TTC28: variants seen among roughly 807,000 people sequenced by gnomAD.
TTC28 encodes the protein tetratricopeptide repeat protein 28.
A neutral mutation model predicts 198.0 loss-of-function variants in TTC28; 61 were observed. The ratio of observed to expected loss-of-function variants is 0.31; its 90% CI spans 0.25 to 0.38. The LOEUF is 0.38. Among genes scored for constraint, TTC28 ranks in the 10% least tolerant of loss-of-function variants. TTC28 has a pLI of 1.00. For missense variants in TTC28, 2,678 were observed against 3,164.0 expected (o/e 0.85, Z 3.69); for synonymous variants, 1,171 against 1,297.8 (o/e 0.90, Z 2.10).
At chr22:28,497,500 G>A (rs976215644) in intron 2 of TTC28, among the ~76,000 whole-genome samples, 3 of 151,974 alleles carry the variant, frequency 2.0e-5, no homozygotes, top group Admixed American at 6.6e-5. Context: ...TTAAAAACAC[G>A]GATACCCAGG....
At position 28,290,465 on chromosome 22, in the gene TTC28, T is replaced by G. The variant is rs145626424; in HGVS notation, c.933+5733A>C. ...TAGGAGTGTAACATAAGAACAGAGA[T>G]GTACAAAATTATCATTATCTTCAAA... On this transcript the variant is annotated intron_variant, in intron 5 of 22. Transcript: ENST00000397906. Among the ~76,000 whole-genome samples the G allele has an allele frequency of 1.2e-3, 182 of 152,228 alleles. 3 individuals are homozygous for G. The highest frequency in any genetic ancestry group is 4.0e-3 in the African/African-American group (165 of 41,540).
chr22:28,114,183 C>G (rs1942568229), intron 6 of TTC28, among the ~76,000 whole-genome samples: 1 of 152,160 alleles, frequency 6.6e-6, no homozygotes, highest in South Asian at 2.1e-4. Context: ...CTAAAATGGC[C>G]AAGAAAATCT....
At chr22:28,554,257 G>A (rs1371002091) in intron 2 of TTC28, among the ~76,000 whole-genome samples, 1 of 151,394 alleles carries the variant, frequency 6.6e-6, no homozygotes, top group Non-Finnish European at 1.5e-5. Flanking sequence ...AGGGTCCTCT[G>A]CCTAGGAAAA....
intron 5 of TTC28, among the ~76,000 whole-genome samples, chr22:28,177,618 A>G (rs1426693223): frequency 6.6e-6 from 1 of 152,218 alleles, no homozygotes; most frequent in Non-Finnish European, 1.5e-5. Context: ...GTCTTTCAAA[A>G]GGTGAATGGA....
intron 1 of TTC28, among the ~76,000 whole-genome samples, chr22:28,674,279 T>G (rs1244253506): frequency 6.6e-6 from 1 of 150,838 alleles, no homozygotes; most frequent in East Asian, 1.9e-4. Flanking sequence ...TTTTTTTTTT[T>G]TTTTTTGGTC....
At chr22:28,443,855 T>C (rs1471426964) in intron 2 of TTC28, among the ~76,000 whole-genome samples, 1 of 152,054 alleles carries the variant, frequency 6.6e-6, no homozygotes, top group Non-Finnish European at 1.5e-5. Flanking sequence ...AAAGACATAC[T>C]TAGACTTGTA....
At chr22:28,636,039 A>T (rs888923868) in intron 1 of TTC28, among the ~76,000 whole-genome samples, 1 of 151,012 alleles carries the variant, frequency 6.6e-6, no homozygotes, top group Non-Finnish European at 1.5e-5. Flanking sequence ...CATATAAGTT[A>T]GATCATACAG....
intron 17 of TTC28, among the ~76,000 whole-genome samples, chr22:27,995,738 G>A (rs1937539945): frequency 6.6e-6 from 1 of 152,192 alleles, no homozygotes; most frequent in Non-Finnish European, 1.5e-5. Flanking sequence ...GAGCCAAAGT[G>A]ACTTGCCCAA....
intron 12 of TTC28, among the ~76,000 whole-genome samples, chr22:28,088,235 A>T (rs1941687801): frequency 6.6e-6 from 1 of 152,168 alleles, no homozygotes; most frequent in Non-Finnish European, 1.5e-5. Flanking sequence ...GCAAAGCTGG[A>T]GGCATCACGC....
At chr22:28,281,104 T>C (rs1048509906) in intron 5 of TTC28, among the ~76,000 whole-genome samples, 84 of 152,326 alleles carry the variant, frequency 5.5e-4, no homozygotes, top group African/African-American at 2.0e-3. Flanking sequence ...TGAGAGTAGC[T>C]GAGGTGTTAG....
chr22:28,659,855 G>A (rs542257577), intron 1 of TTC28, among the ~76,000 whole-genome samples: 193 of 151,872 alleles, frequency 1.3e-3, no homozygotes, highest in African/African-American at 4.1e-3. Flanking sequence ...CTGGAGTGCA[G>A]TGGCATGATC....
intron 2 of TTC28, among the ~76,000 whole-genome samples, chr22:28,320,570 T>C (rs2045430296): frequency 6.6e-6 from 1 of 152,250 alleles, no homozygotes; most frequent in African/African-American, 2.4e-5. Context: ...TTTTAAAATA[T>C]GATTTTCTCA....
intron 6 of TTC28, among the ~76,000 whole-genome samples, chr22:28,124,440 TG>T (rs1159531431): frequency 6.6e-6 from 1 of 152,204 alleles, no homozygotes; most frequent in Non-Finnish European, 1.5e-5. Flanking sequence ...CTAAAATTAT[TG>T]AAACCTATGT....
intron 1 of TTC28, among the ~76,000 whole-genome samples, chr22:28,673,342 C>T (rs1244142231): frequency 6.6e-6 from 1 of 152,112 alleles, no homozygotes; most frequent in Non-Finnish European, 1.5e-5. Flanking sequence ...CCACTGCACT[C>T]CAGCCTGGGC....
chr22:28,444,701 A>C (rs1207150818), intron 2 of TTC28, among the ~76,000 whole-genome samples: 1 of 152,142 alleles, frequency 6.6e-6, no homozygotes, highest in African/African-American at 2.4e-5. Flanking sequence ...TAGAATTCAG[A>C]CCCACAATGA....
At chr22:28,423,473 C>T (rs574127321) in intron 2 of TTC28, among the ~76,000 whole-genome samples, 1 of 152,252 alleles carries the variant, frequency 6.6e-6, no homozygotes, top group African/African-American at 2.4e-5. Flanking sequence ...TAGCTTTCCC[C>T]ACAAAATTCA....
chr22:27,991,282 A>G (rs950046996), intron 19 of TTC28, among the ~76,000 whole-genome samples: 1 of 152,242 alleles, frequency 6.6e-6, no homozygotes, highest in Non-Finnish European at 1.5e-5. Context: ...TTGGCCTCTC[A>G]GCACAGCCTT....
chr22:28,523,133 A>G (rs1025246785), intron 2 of TTC28, among the ~76,000 whole-genome samples: 3 of 152,226 alleles, frequency 2.0e-5, no homozygotes, highest in African/African-American at 7.2e-5. Context: ...ATAAAGACAC[A>G]GAGAGATCAA....
At chr22:28,431,740 G>T (rs925636960) in intron 2 of TTC28, among the ~76,000 whole-genome samples, 2 of 152,176 alleles carry the variant, frequency 1.3e-5, no homozygotes, top group Admixed American at 1.3e-4. Flanking sequence ...CACTTCGGGA[G>T]GCCAAGGCAG....
Sources: gnomAD v4.1 joint callset for allele counts (sites outside exome capture counted in the v4.1 genomes callset) on GRCh38, gnomAD v4.1.1 for gene constraint, MANE v1.5 for transcripts, NCBI Gene and HGNC (gene_info 2026-07-23, HGNC 2026-07-21) for gene names.